The following ADK variants were observed in gnomAD, a reference collection of about 807,000 sequenced individuals.
The protein encoded by ADK is N6,N6-dimethyladenosine kinase.
ADK carries 24 observed loss-of-function variants against 44.7 expected under a neutral mutation model. The observed-to-expected ratio is 0.54, with a 90% confidence interval of 0.39 to 0.76. ADK has a LOEUF of 0.76. Ranked by LOEUF, ADK falls within the 30% of genes least tolerant of loss-of-function variation. The pLI is 0.00. For synonymous variants in ADK, 128 were observed against 142.6 expected (o/e 0.90, Z 0.73); for missense variants, 321 against 425.1 (o/e 0.76, Z 2.15).
In ADK at chr10:74,210,399, T is replaced by A. The variant is rs1843771745; in HGVS notation, c.140+9561T>A. 3.3e-5 allele frequency among the ~76,000 whole-genome samples: 5 copies of A among 152,206 alleles called. No individual in the cohort carries two copies. In the South Asian group the frequency reaches 1.0e-3, roughly 32 times the overall value. On this transcript the variant is annotated intron_variant, in intron 2 of 10. Coordinates refer to ENST00000539909, the MANE Select transcript of ADK (RefSeq NM_006721.4). ...CAGGAGTAGTTGAGGAGACGTGTTT[T>A]TCTTACAGATCTAAACCTTTAATAA...
At chr10:74,347,201 G>A (rs911516035) in intron 4 of ADK, among the ~76,000 whole-genome samples, 1 of 150,420 alleles carries the variant, frequency 6.6e-6, no homozygotes, top group Non-Finnish European at 1.5e-5. Flanking sequence ...CACAGAAGGT[G>A]GGTGATTTCT....
intron 7 of ADK, among the ~76,000 whole-genome samples, chr10:74,568,552 A>G (rs1421737586): frequency 2.0e-5 from 3 of 152,144 alleles, no homozygotes; most frequent in Admixed American, 1.3e-4. Context: ...AAGCAAGTTT[A>G]TTAAGAAAGT....
At chr10:74,521,639 GA>G (rs1048750870) in intron 6 of ADK, among the ~76,000 whole-genome samples, 6 of 152,106 alleles carry the variant, frequency 3.9e-5, no homozygotes, top group Non-Finnish European at 7.4e-5. Flanking sequence ...AATAGAGGGG[GA>G]AAGCTTTAAA....
intron 10 of ADK, among the ~76,000 whole-genome samples, chr10:74,705,949 C>G (rs1856590684): frequency 6.6e-6 from 1 of 152,132 alleles, no homozygotes; most frequent in African/African-American, 2.4e-5. Flanking sequence ...ATGTTAAATA[C>G]TTTTGCCTAC....
At chr10:74,590,614 T>C (rs1851684447) in intron 8 of ADK, among the ~76,000 whole-genome samples, 1 of 152,196 alleles carries the variant, frequency 6.6e-6, no homozygotes, top group Non-Finnish European at 1.5e-5. Context: ...GGAGCTGTGA[T>C]AGTTTCTTAC....
At chr10:74,620,333 T>A (rs574525413) in intron 9 of ADK, among the ~76,000 whole-genome samples, 8 of 152,232 alleles carry the variant, frequency 5.3e-5, no homozygotes, top group Non-Finnish European at 5.9e-5. Flanking sequence ...AGATCAACTT[T>A]TTTTAGCTTC....
intron 3 of ADK, among the ~76,000 whole-genome samples, chr10:74,275,055 G>C (rs955173913): frequency 1.3e-5 from 2 of 151,952 alleles, no homozygotes; most frequent in African/African-American, 4.8e-5. Context: ...GGGAAGGTGA[G>C]AGGTGAAGCT....
chr10:74,532,584 A>C (rs1849325894), intron 7 of ADK, among the ~76,000 whole-genome samples: 1 of 152,146 alleles, frequency 6.6e-6, no homozygotes, highest in African/African-American at 2.4e-5. Flanking sequence ...TCTTCATACA[A>C]AATCTGATGT....
intron 3 of ADK, among the ~76,000 whole-genome samples, chr10:74,296,445 A>G (rs1359031685): frequency 6.6e-6 from 1 of 152,114 alleles, no homozygotes; most frequent in African/African-American, 2.4e-5. Context: ...TTCAAAATAA[A>G]CCTTCTATTA....
chr10:74,583,153 G>A (rs970516032), intron 7 of ADK, among the ~76,000 whole-genome samples: 6 of 152,154 alleles, frequency 3.9e-5, no homozygotes, highest in South Asian at 2.1e-4. Flanking sequence ...AGAAGCTTTA[G>A]CAGTATAAGT....
At chr10:74,595,612 A>T (rs113092659) in intron 8 of ADK, among the ~76,000 whole-genome samples, 2 of 149,764 alleles carry the variant, frequency 1.3e-5, no homozygotes, top group African/African-American at 4.9e-5. Context: ...TCCTGACCTC[A>T]TGATCCGCCC....
chr10:74,472,619 G>A lies in ADK; in HGVS notation c.556-52637G>A, dbSNP rs562363819. 5.7e-4 allele frequency among the ~76,000 whole-genome samples: 86 copies of A among 151,990 alleles called. 1 individual carries two copies. The highest frequency in any genetic ancestry group is 1.6e-3 in the Admixed American group (24 of 15,252). On this transcript the variant is annotated intron_variant, in intron 6 of 10. Transcript: ENST00000539909. Reference sequence around the variant, plus strand: ...TAATAAGACCTAGAAATGCATTGTCGTCTGGTAGCTACTAGCTACATGTGG... The same window carrying A: ...TAATAAGACCTAGAAATGCATTGTCATCTGGTAGCTACTAGCTACATGTGG...
chr10:74,660,842 G>A (rs1418047899), intron 9 of ADK, among the ~76,000 whole-genome samples: 1 of 151,854 alleles, frequency 6.6e-6, no homozygotes, highest in Non-Finnish European at 1.5e-5. Flanking sequence ...GACCAGCCTG[G>A]CCAATATGGT....
intron 7 of ADK, among the ~76,000 whole-genome samples, chr10:74,586,296 A>G (rs1851523103): frequency 6.6e-6 from 1 of 152,182 alleles, no homozygotes; most frequent in South Asian, 2.1e-4. Flanking sequence ...ATTTTAAGCC[A>G]CAGAACAACA....
At chr10:74,236,312 C>T (rs896503056) in intron 3 of ADK, among the ~76,000 whole-genome samples, 2 of 152,114 alleles carry the variant, frequency 1.3e-5, no homozygotes, top group Admixed American at 6.5e-5. Flanking sequence ...TATGCTCTTT[C>T]AGTTTCTAAA....
rs538422300 is a variant in ADK at position 74,441,859 on chromosome 10, A to G, written c.555+43280A>G. Among the ~76,000 whole-genome samples the G allele has an allele frequency of 9.8e-5, 15 of 152,302 alleles. No homozygotes were observed. In the South Asian group the frequency reaches 2.7e-3, roughly 27 times the overall value. ...ATATGTAAGGAACTCATACAACTCAATAGCAGAAAACCCGATTAAAAAATG... is the reference window on the plus strand; with the variant it reads ...ATATGTAAGGAACTCATACAACTCAGTAGCAGAAAACCCGATTAAAAAATG... On this transcript the variant is annotated intron_variant, in intron 6 of 10. Transcript: ENST00000539909.
intron 10 of ADK, among the ~76,000 whole-genome samples, chr10:74,673,030 C>T (rs1464710920): frequency 6.6e-6 from 1 of 152,204 alleles, no homozygotes; most frequent in Admixed American, 6.5e-5. Context: ...AACCACAGAC[C>T]AGCCTTCCTG....
At chr10:74,411,991 C>T (rs917636738) in intron 6 of ADK, among the ~76,000 whole-genome samples, 2 of 152,206 alleles carry the variant, frequency 1.3e-5, no homozygotes, top group Non-Finnish European at 2.9e-5. Flanking sequence ...CAAGTTTTAT[C>T]ATGTGATTGC....
chr10:74,178,985 A>G (rs551584776), intron 1 of ADK, among the ~76,000 whole-genome samples: 2 of 152,362 alleles, frequency 1.3e-5, no homozygotes, highest in South Asian at 4.1e-4. Flanking sequence ...AACTTCCTGA[A>G]AAAGCTGTTT....
Sources: allele counts gnomAD v4.1 joint callset (sites outside exome capture counted in the v4.1 genomes callset), GRCh38; gene constraint gnomAD v4.1.1; transcripts MANE v1.5; gene names NCBI Gene and HGNC (gene_info 2026-07-23, HGNC 2026-07-21).